The following DIPK1A variants were observed in gnomAD, a reference collection of about 807,000 sequenced individuals.
The protein encoded by DIPK1A is family with sequence similarity 69 member A.
A neutral mutation model predicts 40.8 loss-of-function variants in DIPK1A; 27 were observed. The observed-to-expected ratio is 0.66, with a 90% CI of 0.49 to 0.91. The LOEUF (loss-of-function observed/expected upper bound fraction) is 0.91, where lower values mean the gene tolerates loss of function less well. Among genes scored for constraint, DIPK1A ranks in the 40% least tolerant of loss-of-function variants. The pLI, the probability that DIPK1A is intolerant of heterozygous loss-of-function variation, is 0.00. For missense variants in DIPK1A, 412 were observed against 505.7 expected, an observed-to-expected ratio of 0.81 and a Z score of 1.78; for synonymous variants, 166 against 171.3, an observed-to-expected ratio of 0.97 and a Z score of 0.24.
intron 2 of DIPK1A, among the ~76,000 whole-genome samples, chr1:92,873,608 C>CT (rs1647980593): frequency 6.9e-6 from 1 of 145,546 alleles, no homozygotes; most frequent in East Asian, 2.0e-4. Flanking sequence ...GAGCAAAACT[C>CT]TGTCTCAAAA....
chr1:92,934,436 T>C (rs536726782), intron 1 of DIPK1A, among the ~76,000 whole-genome samples: 1 of 152,320 alleles, frequency 6.6e-6, no homozygotes, highest in South Asian at 2.1e-4. Flanking sequence ...AAAAGTTTTT[T>C]TTTCTTAACA....
At chr1:92,927,736 T>C (rs988897147) in intron 1 of DIPK1A, among the ~76,000 whole-genome samples, 2 of 152,226 alleles carry the variant, frequency 1.3e-5, no homozygotes, top group Non-Finnish European at 2.9e-5. Flanking sequence ...TGTGACTGGC[T>C]TTTTTCACTT....
At chr1:92,840,204 TCTCA>T (rs1295578634), downstream of DIPK1A, 3 of 287,936 alleles carry the variant, frequency 1.0e-5, no homozygotes, top group African/African-American at 6.8e-5. Context: ...TGGAGACAGG[TCTCA>T]CTGTGTTGCC....
intron 1 of DIPK1A, among the ~76,000 whole-genome samples, chr1:92,894,014 A>G (rs995994750): frequency 4.6e-5 from 7 of 152,086 alleles, no homozygotes; most frequent in Admixed American, 4.6e-4. Flanking sequence ...CAGTCCTCAG[A>G]GACCTACAAA....
rs143929339 is a variant in DIPK1A, at chr1:92,883,246, G to T, written c.55-6816C>A. 1.8e-3 allele frequency among the ~76,000 whole-genome samples: 278 copies of T among 152,296 alleles called. 1 individual carries two copies. Among genetic ancestry groups the T allele is most frequent in the African/African-American group, 6.5e-3 (269 of 41,558 alleles). Reference sequence around the variant, plus strand: ...ACAATTAGACAGCCAGTATCTTACAGAGCATATAGGAGGAAGATGCAACCT... The same window carrying T: ...ACAATTAGACAGCCAGTATCTTACATAGCATATAGGAGGAAGATGCAACCT... On this transcript the variant is annotated intron_variant, in intron 1 of 4. Transcript: ENST00000370310.
chr1:92,958,040 T>C (rs1651920250), intron 1 of DIPK1A, among the ~76,000 whole-genome samples: 1 of 152,252 alleles, frequency 6.6e-6, no homozygotes, highest in African/African-American at 2.4e-5. Context: ...TTACAGTGTG[T>C]ATCAGAACTT....
intron 1 of DIPK1A, among the ~76,000 whole-genome samples, chr1:92,937,559 G>A (rs1191058265): frequency 6.6e-6 from 1 of 152,090 alleles, no homozygotes; most frequent in African/African-American, 2.4e-5. Context: ...GGCTAGGATT[G>A]GAATTCATTC....
intron 1 of DIPK1A, among the ~76,000 whole-genome samples, chr1:92,880,774 A>T (rs1648330810): frequency 6.6e-6 from 1 of 152,018 alleles, no homozygotes; most frequent in Admixed American, 6.6e-5. Context: ...GGAGGCTGGG[A>T]CAGGAGAATC....
At chr1:92,946,224 T>C (rs12074608) in intron 1 of DIPK1A, among the ~76,000 whole-genome samples, 47,460 of 151,848 alleles carry the variant, frequency 0.31, 7,948 homozygotes, top group Non-Finnish European at 0.37. Flanking sequence ...ATAAGGGAGA[T>C]TTTCCTTTAT....
At chr1:92,915,641 T>C (rs1248921841) in intron 1 of DIPK1A, among the ~76,000 whole-genome samples, 1 of 152,142 alleles carries the variant, frequency 6.6e-6, no homozygotes, top group Non-Finnish European at 1.5e-5. Flanking sequence ...TGTCAAAAGA[T>C]CATCTGGGAA....
chr1:92,872,507 C>T (rs1386857048), intron 2 of DIPK1A, among the ~76,000 whole-genome samples: 1 of 152,084 alleles, frequency 6.6e-6, no homozygotes, highest in African/African-American at 2.4e-5. Flanking sequence ...TTTTGAATAA[C>T]TCTTAATATC....
chr1:92,890,197 A>G (rs2100800014), intron 1 of DIPK1A, among the ~76,000 whole-genome samples: 1 of 152,302 alleles, frequency 6.6e-6, no homozygotes, highest in South Asian at 2.1e-4. Context: ...TTCATTGATT[A>G]GTTCTAAGAG....
chr1:92,890,954 A>G (rs1318453431), intron 1 of DIPK1A, among the ~76,000 whole-genome samples: 1 of 152,068 alleles, frequency 6.6e-6, no homozygotes, highest in Non-Finnish European at 1.5e-5. Context: ...TTTTTATGAT[A>G]GGAAACATTT....
downstream of DIPK1A, chr1:92,837,905 G>T (rs755817413): frequency 1.4e-4 from 63 of 442,974 alleles, no homozygotes; most frequent in Non-Finnish European, 1.7e-5. Flanking sequence ...GATAAGAGGT[G>T]CTAGATAATA....
At chr1:92,934,123 T>C (rs529732424) in intron 1 of DIPK1A, 3 of 152,348 alleles carry the variant, frequency 2.0e-5, no homozygotes, top group East Asian at 1.9e-4. Context: ...TGAAAAACTT[T>C]AGATAATAAA....
intron 1 of DIPK1A, among the ~76,000 whole-genome samples, chr1:92,893,305 C>A (rs939423067): frequency 6.6e-6 from 1 of 151,526 alleles, no homozygotes; most frequent in Non-Finnish European, 1.5e-5. Context: ...GCGGATCTCT[C>A]GGCAGAAACT....
chr1:92,876,288 ATACT>A lies in DIPK1A; in HGVS notation c.189+4_189+7del, dbSNP rs751998464. 2.0e-6 allele frequency: 3 copies of A among 1,486,154 alleles called. No individual in the cohort carries two copies. The highest frequency in any genetic ancestry group is 1.4e-5 in the African/African-American group (1 of 70,292). 92.1% of individuals were successfully genotyped at this position (1,486,154 alleles called of 1,614,324 possible). ...CTTTTTAGTAAACAGGAAATTTAAA[ATACT>A]TACTATTATTTTCTTACAGTCCTTT... On this transcript the variant is annotated splice_donor_5th_base_variant and intron_variant, in intron 2 of 4. Coordinates refer to ENST00000370310, the MANE Select transcript of DIPK1A (RefSeq NM_001006605.5).
intron 2 of DIPK1A, among the ~76,000 whole-genome samples, chr1:92,854,738 TTGGGAGAGGCC>T (rs1355982104): frequency 5.9e-5 from 9 of 152,238 alleles, no homozygotes; most frequent in Non-Finnish European, 1.2e-4. Flanking sequence ...GGGAGGCCAC[TTGGGAGAGGCC>T]CAATGCCTTT....
chr1:92,950,712 A>G (rs1651597597), intron 1 of DIPK1A, among the ~76,000 whole-genome samples: 1 of 152,208 alleles, frequency 6.6e-6, no homozygotes, highest in Non-Finnish European at 1.5e-5. Context: ...GCCTGTCTCA[A>G]ACAAACAAAC....
Sources: gnomAD v4.1 joint callset for allele counts (sites outside exome capture counted in the v4.1 genomes callset) on GRCh38, gnomAD v4.1.1 for gene constraint, MANE v1.5 for transcripts, NCBI Gene and HGNC (gene_info 2026-07-23, HGNC 2026-07-21) for gene names.